SUPT6H: variants seen among roughly 807,000 people sequenced by gnomAD.
SUPT6H encodes transcription elongation factor SPT6.
A neutral mutation model predicts 222.3 loss-of-function variants in SUPT6H; 11 were observed. That is an observed-to-expected ratio of 0.05 (90% confidence interval 0.03 to 0.08). The LOEUF is 0.08. Among genes scored for constraint, SUPT6H ranks in the 10% least tolerant of loss-of-function variants. SUPT6H has a pLI of 1.00. For synonymous variants in SUPT6H, 762 were observed against 801.2 expected (o/e 0.95, Z 0.83); for missense variants, 1,422 against 2,216.0 (o/e 0.64, Z 7.19).
intron 2 of SUPT6H, 81 bp downstream of exon 2, chr17:28,673,591 G>A (rs1456813220): frequency 2.8e-6 from 3 of 1,074,274 alleles, no homozygotes; most frequent in Non-Finnish European, 1.4e-6. Context: ...AAAAGCTCAG[G>A]CTCAGCACAG....
At chr17:28,673,724 C>T (rs2030570046) in intron 2 of SUPT6H, 1 of 533,808 alleles carries the variant, frequency 1.9e-6, no homozygotes. Flanking sequence ...AATAAATATC[C>T]AGCTATTGTG....
rs1597723166 is a variant in SUPT6H at position 28,700,089 on chromosome 17, A to G, written c.4562-84A>G. The G allele has an allele frequency of 7.6e-6, 12 of 1,584,006 alleles. No individual in the cohort carries two copies. In the East Asian group the frequency reaches 2.7e-4, roughly 35 times the overall value. The stretch of plus-strand genomic sequence containing the variant: ...GCAGCTTCCCTTCCTCCCTCTACCT[A>G]CTTCAGTGCCCCTTCCACCCCCTGA... On this transcript the variant is annotated intron_variant, in intron 33 of 36. Coordinates refer to ENST00000314616, the MANE Select transcript of SUPT6H (RefSeq NM_003170.5).
At chr17:28,693,861 C>A in intron 28 of SUPT6H, 25 bp downstream of exon 28, 1 of 1,613,896 alleles carries the variant, frequency 6.2e-7, no homozygotes, top group South Asian at 1.1e-5. Context: ...GTCCTAAGGT[C>A]GTAGTGCAAT....
chr17:28,673,531 A>G (rs1223904381), intron 2 of SUPT6H, 21 bp downstream of exon 2: 1 of 1,543,744 alleles, frequency 6.5e-7, no homozygotes, highest in African/African-American at 1.4e-5. Context: ...CCCAGCCTCA[A>G]GCTTCTCCCC....
At chr17:28,665,346 G>A (rs1284960655) in intron 1 of SUPT6H, among the ~76,000 whole-genome samples, 2 of 152,216 alleles carry the variant, frequency 1.3e-5, no homozygotes, top group African/African-American at 4.8e-5. Context: ...TTCCTTCTTC[G>A]CTTTTAGAGC....
chr17:28,667,101 T>A (rs2030070865), intron 1 of SUPT6H, among the ~76,000 whole-genome samples: 1 of 151,138 alleles, frequency 6.6e-6, no homozygotes. Flanking sequence ...AAATATAGGA[T>A]ACAAGTGTAA....
intron 1 of SUPT6H, among the ~76,000 whole-genome samples, chr17:28,664,050 A>G (rs2072120686): frequency 6.6e-6 from 1 of 151,790 alleles, no homozygotes; most frequent in Non-Finnish European, 1.5e-5. Context: ...TCCAATGGAT[A>G]CTTTGTTCTC....
chr17:28,677,640 G>C (rs2030837350), intron 7 of SUPT6H, 75 bp from the exon 8 acceptor site: 2 of 1,044,560 alleles, frequency 1.9e-6, no homozygotes, highest in Admixed American at 1.9e-5. Flanking sequence ...ACACGTTTCT[G>C]TCCAAAAAGG....
At chr17:28,690,359 A>G in intron 26 of SUPT6H, 130 bp downstream of exon 26, 2 of 1,170,688 alleles carry the variant, frequency 1.7e-6, no homozygotes, top group Non-Finnish European at 2.4e-6. Context: ...AGAGCATTTT[A>G]AAAGACTAAA....
At chr17:28,697,336 T>C (rs1296830953) in intron 30 of SUPT6H, among the ~76,000 whole-genome samples, 1 of 152,168 alleles carries the variant, frequency 6.6e-6, no homozygotes, top group African/African-American at 2.4e-5. Context: ...TACACATATA[T>C]ACGCACACAC....
chr17:28,690,667 G>A (rs532997017), intron 26 of SUPT6H, among the ~76,000 whole-genome samples: 7 of 152,120 alleles, frequency 4.6e-5, no homozygotes, highest in Non-Finnish European at 7.4e-5. Context: ...CCAGCTACTC[G>A]GGAGGCTGAG....
At chr17:28,696,785 T>C in intron 29 of SUPT6H, 59 bp from the exon 30 acceptor site, 1 of 1,488,392 alleles carries the variant, frequency 6.7e-7, no homozygotes, top group Non-Finnish European at 9.4e-7. Flanking sequence ...TGGTTTGTCC[T>C]GTTGCTGCCA....
chr17:28,690,770 T>G, intron 26 of SUPT6H, 151 bp from the exon 27 acceptor site: 2 of 941,498 alleles, frequency 2.1e-6, no homozygotes, highest in Non-Finnish European at 3.1e-6. Context: ...CAAGACTTCA[T>G]CTCAAAAATA....
At chr17:28,662,975 C>A (rs566336182) in intron 1 of SUPT6H, among the ~76,000 whole-genome samples, 1 of 152,154 alleles carries the variant, frequency 6.6e-6, no homozygotes, top group African/African-American at 2.4e-5. Flanking sequence ...CTAGTTTCTA[C>A]CTTTCTCCTC....
chr17:28,665,868 A>T (rs2029981542), intron 1 of SUPT6H, among the ~76,000 whole-genome samples: 3 of 152,178 alleles, frequency 2.0e-5, no homozygotes, highest in South Asian at 4.1e-4. Flanking sequence ...GTGAGATGTA[A>T]TCACACCACT....
chr17:28,673,543 C>A, intron 2 of SUPT6H, 33 bp downstream of exon 2: 1 of 1,488,100 alleles, frequency 6.7e-7, no homozygotes, highest in African/African-American at 1.4e-5. Flanking sequence ...CTTCTCCCCA[C>A]TATTGCTAAG....
In SUPT6H at chr17:28,700,181, C is replaced by T; in HGVS notation, c.4570C>T (p.Pro1524Ser). ...ATAATCACTTCCTGCAGGCATCACC[C>T]CTAGCAGCAGCAGCAGGACCCGGAC... is the stretch of plus-strand genomic sequence containing the variant. Reference protein sequence around the residue: ...HYQDPVPGITPSSSSRTRTPA... With the variant: ...HYQDPVPGITSSSSSRTRTPA... Residue 1524 changes from proline (P) to serine (S), a missense_variant, in exon 34 of 37, where the codon CCT becomes TCT. Physicochemically the swap from Pro to Ser is moderately conservative, Grantham distance 74. This residue lies in a region of SUPT6H where 395 missense variants were observed against 580.6 expected (regional missense o/e 0.68). Coordinates refer to ENST00000314616, the MANE Select transcript of SUPT6H (RefSeq NM_003170.5). 1 of 1,614,210 alleles carries T rather than the reference C, an allele frequency of 6.2e-7. No homozygotes were observed. The highest frequency in any genetic ancestry group is 8.5e-7 in the Non-Finnish European group (1 of 1,180,036).
chr17:28,681,601 A>G (rs2031105665), intron 12 of SUPT6H, among the ~76,000 whole-genome samples, 197 bp downstream of exon 12: 1 of 152,082 alleles, frequency 6.6e-6, no homozygotes, highest in East Asian at 1.9e-4. Context: ...CATGCCGGTA[A>G]TCCCAACTGC....
In SUPT6H at chr17:28,678,835, G is replaced by T; in HGVS notation, c.1221G>T (p.Arg407=). The part of the protein sequence containing the change: ...WQWDEKWTQL[R]IRKENLTRLF... ...CTTCACCTTAGTGGACCCAGCTGCG[G>T]ATCCGTAAAGAGAACCTAACACGGC... is the stretch of plus-strand genomic sequence containing the variant. The change falls in exon 11 of 37, where the codon CGG becomes CGT. Residue 407 remains arginine (R), a synonymous_variant. Coordinates refer to ENST00000314616, the MANE Select transcript of SUPT6H (RefSeq NM_003170.5). 1 of 1,614,182 alleles carries T rather than the reference G, an allele frequency of 6.2e-7. No individual in the cohort carries two copies.
Sources: allele counts gnomAD v4.1 joint callset (sites outside exome capture counted in the v4.1 genomes callset), GRCh38; gene constraint gnomAD v4.1.1; regional missense constraint gnomAD v4.1.1; transcripts MANE v1.5; gene names NCBI Gene and HGNC (gene_info 2026-07-23, HGNC 2026-07-21).